The following AQR variants were observed in gnomAD, a reference collection of about 807,000 sequenced individuals.
AQR encodes the protein aquarius intron-binding spliceosomal factor, also known as RNA helicase aquarius.
AQR carries 61 observed loss-of-function variants against 180.5 expected under a neutral mutation model. The ratio of observed to expected loss-of-function variants is 0.34; its 90% CI spans 0.28 to 0.42. AQR has a LOEUF of 0.42. AQR is among the 10% of genes least tolerant of loss of function. The pLI is 1.00. For synonymous variants in AQR, 551 were observed against 588.8 expected, an observed-to-expected ratio of 0.94 and a Z score of 0.93; for missense variants, 1,281 against 1,798.3, an observed-to-expected ratio of 0.71 and a Z score of 5.20.
intron 26 of AQR, 45 bp from the exon 27 acceptor site, chr15:34,882,684 GT>G (rs759210537): frequency 9.5e-6 from 15 of 1,572,036 alleles, no homozygotes; most frequent in Non-Finnish European, 1.3e-5. Context: ...GGAAAACGGA[GT>G]TTTGCACATA....
intron 5 of AQR, among the ~76,000 whole-genome samples, chr15:34,944,907 G>C (rs1330942620): frequency 6.6e-6 from 1 of 152,078 alleles, no homozygotes; most frequent in East Asian, 1.9e-4. Context: ...ACCTACCTCT[G>C]TTTCTAGTTA....
chr15:34,906,761 A>G (rs1160893249), intron 17 of AQR, 49 bp from the exon 18 acceptor site: 1 of 1,564,632 alleles, frequency 6.4e-7, no homozygotes, highest in Non-Finnish European at 8.7e-7. Flanking sequence ...CATTGTTTTC[A>G]GTCTTTTGTA....
intron 2 of AQR, among the ~76,000 whole-genome samples, chr15:34,961,218 A>G (rs1670665380): frequency 6.6e-6 from 1 of 152,212 alleles, no homozygotes; most frequent in South Asian, 2.1e-4. Flanking sequence ...TAACAGACAC[A>G]AATTCTAATT....
At chr15:34,875,761 C>T (rs1179063746) in intron 28 of AQR, among the ~76,000 whole-genome samples, 174 bp downstream of exon 28, 2 of 151,998 alleles carry the variant, frequency 1.3e-5, no homozygotes, top group Non-Finnish European at 2.9e-5. Flanking sequence ...TACTAAATAG[C>T]CAGTGAATAG....
chr15:34,943,257 G>A (rs1230302259), intron 6 of AQR: 2 of 1,602,680 alleles, frequency 1.2e-6, no homozygotes, highest in East Asian at 2.2e-5. Flanking sequence ...CTGGAAAAAG[G>A]CTAAAACTAC....
chr15:34,946,779 C>T (rs1328974785), intron 5 of AQR, among the ~76,000 whole-genome samples: 23 of 149,652 alleles, frequency 1.5e-4, no homozygotes, highest in Admixed American at 5.3e-4. Context: ...GCCCCCCGCC[C>T]GGCCAGCTGC....
At chr15:34,941,626 A>G (rs923702420) in intron 7 of AQR, among the ~76,000 whole-genome samples, 1 of 152,148 alleles carries the variant, frequency 6.6e-6, no homozygotes, top group African/African-American at 2.4e-5. Context: ...ATATTACCCA[A>G]TAAAGACTTT....
At chr15:34,967,137 A>G (rs920059916) in intron 1 of AQR, among the ~76,000 whole-genome samples, 1 of 148,988 alleles carries the variant, frequency 6.7e-6, no homozygotes, top group Non-Finnish European at 1.5e-5. Context: ...CAGCCTCCCA[A>G]AGTGCTGGGA....
intron 31 of AQR, among the ~76,000 whole-genome samples, chr15:34,870,541 T>C (rs1892802265): frequency 6.6e-6 from 1 of 152,156 alleles, no homozygotes; most frequent in Admixed American, 6.5e-5. Context: ...GAAACATTTC[T>C]TTTACCATCA....
rs1893255950 is a variant in AQR, at chr15:34,897,011, T to C, written c.2391-45A>G. On this transcript the variant is annotated intron_variant, in intron 21 of 34. Transcript: ENST00000156471. ...AAAAGTTGGTACAGATAAATGATGC[T>C]TTGTATAATACAAATTTAGACAACA... is the stretch of plus-strand genomic sequence containing the variant. The C allele has an allele frequency of 2.7e-6, 4 of 1,459,484 alleles. No individual in the cohort carries two copies. In the East Asian group the frequency reaches 6.8e-5, roughly 25 times the overall value. 90.4% of individuals were successfully genotyped at this position (1,459,484 alleles called of 1,614,324 possible).
chr15:34,960,855 T>C, intron 2 of AQR, 41 bp from the exon 3 acceptor site: 1 of 709,896 alleles, frequency 1.4e-6, no homozygotes, highest in Non-Finnish European at 2.2e-6. Context: ...CTCAACAACT[T>C]TTTTCAACCC....
At chr15:34,950,835 A>T (rs1894218993) in intron 4 of AQR, among the ~76,000 whole-genome samples, 1 of 152,308 alleles carries the variant, frequency 6.6e-6, no homozygotes, top group South Asian at 2.1e-4. Flanking sequence ...TGGAATACAT[A>T]TGCTTCCAGA....
chr15:34,901,389 C>T lies in AQR; in HGVS notation c.2002-526G>A, dbSNP rs183182076. Among the ~76,000 whole-genome samples, 520 of 151,898 alleles carry T rather than the reference C, an allele frequency of 3.4e-3. 2 individuals are homozygous for T. Among genetic ancestry groups the T allele is most frequent in the Non-Finnish European group, 5.0e-3 (342 of 67,926 alleles). ...AAGACTGTGAGAAGAAATAAAAAAGCGAACAAAATGATAAAAATAAAGGAA... is the reference window on the plus strand; with the variant it reads ...AAGACTGTGAGAAGAAATAAAAAAGTGAACAAAATGATAAAAATAAAGGAA... On this transcript the variant is annotated intron_variant, in intron 19 of 34. Coordinates refer to ENST00000156471, the MANE Select transcript of AQR (RefSeq NM_014691.3).
intron 18 of AQR, 136 bp from the exon 19 acceptor site, chr15:34,904,641 G>T: frequency 1.4e-6 from 1 of 733,176 alleles, no homozygotes; most frequent in Non-Finnish European, 2.1e-6. Context: ...AAAGTAGAAT[G>T]CCCTCCACTC....
Position 34,873,921 on chromosome 15 carries a change from T to A in AQR, c.3504A>T (p.Thr1168=), listed in dbSNP as rs779418157. 3.7e-6 allele frequency: 6 copies of A among 1,612,724 alleles called. No individual in the cohort carries two copies. The South Asian group carries it at 6.6e-5, about 18-fold the overall frequency. ...PHVQLLPEFS[T]ANAGLLYDFQ... is the part of the protein sequence containing the mutation. ...AGTCATACAGTAAGCCAGCATTTGCTGTACTAAACTCTGGCAAGAGCTGCA... is the reference window on the plus strand; with the variant it reads ...AGTCATACAGTAAGCCAGCATTTGCAGTACTAAACTCTGGCAAGAGCTGCA... Residue 1168 remains threonine, a synonymous_variant, in exon 30 of 35, where the codon ACA becomes ACT. Transcript: ENST00000156471.
At chr15:34,944,154 T>C in intron 6 of AQR, 134 bp downstream of exon 6, 1 of 783,132 alleles carries the variant, frequency 1.3e-6, no homozygotes, top group South Asian at 3.4e-5. Flanking sequence ...GTGGCTGAAA[T>C]CAAGCTTTTA....
At position 34,918,282 on chromosome 15, in the gene AQR, G is replaced by A; in HGVS notation, c.1318C>T (p.Pro440Ser). The A allele has an allele frequency of 6.2e-7, 1 of 1,613,282 alleles. No individual in the cohort carries two copies. The highest frequency in any genetic ancestry group is 8.5e-7 in the Non-Finnish European group (1 of 1,179,704). The change falls in exon 15 of 35, where the codon CCA becomes TCA. Residue 440 changes from proline to serine, a missense_variant. This residue lies in a region of AQR where 200 missense variants were observed against 293.4 expected (regional missense o/e 0.68). Coordinates refer to ENST00000156471, the MANE Select transcript of AQR (RefSeq NM_014691.3). ...CCTTCTCCAGAATAGTACTCAGTTG[G>A]GACAATATTTTCATCCCATATAATT... ...EKIIWDENIV[P>S]TEYYSGEGCL...
intron 32 of AQR, among the ~76,000 whole-genome samples, chr15:34,863,526 C>T (rs1366815237): frequency 1.3e-5 from 2 of 152,118 alleles, no homozygotes; most frequent in Non-Finnish European, 2.9e-5. Context: ...TAAAACAACA[C>T]AAGTTGAGCA....
chr15:34,915,674 G>A (rs151258761), intron 15 of AQR, among the ~76,000 whole-genome samples: 2,843 of 151,924 alleles, frequency 0.019, 82 homozygotes, highest in African/African-American at 0.065. Flanking sequence ...GGCCGGGCAC[G>A]GTGGCTCACG....
Sources: allele counts gnomAD v4.1 joint callset (sites outside exome capture counted in the v4.1 genomes callset), GRCh38; gene constraint gnomAD v4.1.1; regional missense constraint gnomAD v4.1.1; transcripts MANE v1.5; gene names NCBI Gene and HGNC (gene_info 2026-07-23, HGNC 2026-07-21).